Variants in NSMAF observed in about 807,000 individuals in gnomAD.
NSMAF encodes neutral sphingomyelinase activation associated factor.
NSMAF carries 90 observed loss-of-function variants against 134.9 expected under a neutral mutation model. The observed-to-expected ratio is 0.67, with a 90% CI of 0.56 to 0.79. The LOEUF is 0.79. Among genes scored for constraint, NSMAF ranks in the 30% least tolerant of loss-of-function variants. NSMAF has a pLI of 0.00. For synonymous variants in NSMAF, 358 were observed against 389.6 expected (o/e 0.92, Z 0.96); for missense variants, 1,010 against 1,119.0 (o/e 0.90, Z 1.39).
intron 5 of NSMAF, among the ~76,000 whole-genome samples, chr8:58,632,252 T>G (rs1025067908): frequency 6.6e-6 from 1 of 152,258 alleles, no homozygotes; most frequent in African/African-American, 2.4e-5. Context: ...ATACTTCCCC[T>G]TAATCTCACA....
chr8:58,626,463 A>C (rs1365461167), intron 6 of NSMAF, among the ~76,000 whole-genome samples: 1 of 152,126 alleles, frequency 6.6e-6, no homozygotes, highest in African/African-American at 2.4e-5. Flanking sequence ...AACATACAAT[A>C]ATCTGGTTTT....
intron 2 of NSMAF, among the ~76,000 whole-genome samples, chr8:58,642,534 C>T (rs1019678174): frequency 1.3e-5 from 2 of 152,126 alleles, no homozygotes; most frequent in Non-Finnish European, 2.9e-5. Flanking sequence ...GGTTTATAAT[C>T]ATTACTTTAT....
chr8:58,624,677 T>C (rs985078446), intron 6 of NSMAF, among the ~76,000 whole-genome samples: 1 of 152,204 alleles, frequency 6.6e-6, no homozygotes, highest in Admixed American at 6.5e-5. Context: ...ATGTGATCTG[T>C]CCTGGAGAAT....
At chr8:58,633,419 C>G (rs1323297042) in intron 5 of NSMAF, among the ~76,000 whole-genome samples, 3 of 152,232 alleles carry the variant, frequency 2.0e-5, no homozygotes, top group Non-Finnish European at 4.4e-5. Context: ...CTCAGTGAGG[C>G]ATCCCTGACT....
At chr8:58,657,557 CCT>C (rs1807747068) in intron 1 of NSMAF, among the ~76,000 whole-genome samples, 1 of 152,166 alleles carries the variant, frequency 6.6e-6, no homozygotes, top group African/African-American at 2.4e-5. Flanking sequence ...TTAAAATATT[CCT>C]CTGTTTCAGA....
At chr8:58,652,367 C>A (rs1447585910) in intron 1 of NSMAF, among the ~76,000 whole-genome samples, 3 of 152,216 alleles carry the variant, frequency 2.0e-5, no homozygotes, top group Non-Finnish European at 2.9e-5. Flanking sequence ...ACCTCATCAA[C>A]CACAAGGCTT....
chr8:58,591,190 C>T (rs1806013923), intron 23 of NSMAF, among the ~76,000 whole-genome samples: 1 of 152,138 alleles, frequency 6.6e-6, no homozygotes, highest in African/African-American at 2.4e-5. Flanking sequence ...ATACTGTTGA[C>T]ATTTCAGCAT....
intron 5 of NSMAF, among the ~76,000 whole-genome samples, chr8:58,634,453 T>C (rs1807124725): frequency 6.6e-6 from 1 of 152,162 alleles, no homozygotes; most frequent in Non-Finnish European, 1.5e-5. Flanking sequence ...AGCAAGTCCG[T>C]GCATCTTTGT....
chr8:58,645,902 G>C (rs566190323), intron 1 of NSMAF, among the ~76,000 whole-genome samples: 1 of 152,106 alleles, frequency 6.6e-6, no homozygotes, highest in Non-Finnish European at 1.5e-5. Context: ...TTAGCCAGGC[G>C]TGGTGGCGGG....
At chr8:58,656,121 C>G (rs147493861) in intron 1 of NSMAF, among the ~76,000 whole-genome samples, 6,006 of 151,748 alleles carry the variant, frequency 0.04, 392 homozygotes, top group African/African-American at 0.14. Flanking sequence ...CAGGTTCAAG[C>G]AATTCTCCTG....
At chr8:58,611,035 T>C (rs1806518307) in intron 9 of NSMAF, among the ~76,000 whole-genome samples, 1 of 152,186 alleles carries the variant, frequency 6.6e-6, no homozygotes, top group Non-Finnish European at 1.5e-5. Flanking sequence ...GCTTGACCAC[T>C]TCTGGAGGTA....
intron 21 of NSMAF, among the ~76,000 whole-genome samples, chr8:58,596,983 G>A (rs1173406735): frequency 6.6e-6 from 1 of 151,886 alleles, no homozygotes; most frequent in African/African-American, 2.4e-5. Flanking sequence ...CATAATTAGG[G>A]CCAGAGAAAG....
intron 30 of NSMAF, among the ~76,000 whole-genome samples, chr8:58,585,398 T>C (rs1231356906): frequency 1.3e-5 from 2 of 151,726 alleles, no homozygotes; most frequent in Admixed American, 6.6e-5. Context: ...AGCTTTACGA[T>C]GGTTTTTAAT....
At chr8:58,605,415 T>C (rs1045156717) in intron 12 of NSMAF, among the ~76,000 whole-genome samples, 2 of 152,170 alleles carry the variant, frequency 1.3e-5, no homozygotes, top group Non-Finnish European at 2.9e-5. Flanking sequence ...TGACTGAACA[T>C]AAAAATATTT....
rs1335520076 is a variant in NSMAF, at chr8:58,615,482, ACATATTCTCTG to A, written c.558-5760_558-5750del. On this transcript the variant is annotated intron_variant, in intron 9 of 30. Transcript: ENST00000038176. The stretch of plus-strand genomic sequence containing the variant: ...TATCAAAAGACTGAAATCACATAGA[ACATATTCTCTG>A]ATCAGATATTAAATTATAAATCAGT... Among the ~76,000 whole-genome samples, 5 of 152,340 alleles carry A rather than the reference ACATATTCTCTG, an allele frequency of 3.3e-5. No individual in the cohort carries two copies. In the East Asian group the frequency reaches 9.6e-4, roughly 29 times the overall value.
chr8:58,586,367 G>T, intron 28 of NSMAF, 91 bp downstream of exon 28: 1 of 1,288,456 alleles, frequency 7.8e-7, no homozygotes, highest in Non-Finnish European at 1.1e-6. Flanking sequence ...TTCTTTGTAA[G>T]TTTTATTGTT....
chr8:58,651,998 C>G (rs1332297787), intron 1 of NSMAF, among the ~76,000 whole-genome samples: 4 of 152,166 alleles, frequency 2.6e-5, no homozygotes, highest in African/African-American at 9.7e-5. Context: ...AAAATAAGCA[C>G]TGGCCAGTAG....
chr8:58,631,562 C>T lies in NSMAF; in HGVS notation c.334-16G>A. On this transcript the variant is annotated splice_polypyrimidine_tract_variant and intron_variant, in intron 5 of 30. Transcript: ENST00000038176. The stretch of plus-strand genomic sequence containing the variant: ...TGAAATATACCTGAGCAAGAAAAAG[C>T]AATACTTGTAAAATAATAACCAAAA... 1.4e-6 allele frequency: 2 copies of T among 1,399,204 alleles called. No homozygotes were observed. The highest frequency in any genetic ancestry group is 9.8e-7 in the Non-Finnish European group (1 of 1,021,636). 86.7% of individuals were successfully genotyped at this position (1,399,204 alleles called of 1,614,324 possible).
At position 58,584,062 on chromosome 8, in the gene NSMAF, C is replaced by T; in HGVS notation, c.*44G>A. ...CGTTTAAAAGTTTGGTTTAAAAATG[C>T]ATTAAATAGAGTTCAATTTAATATT... is the stretch of plus-strand genomic sequence containing the variant. On this transcript the variant is annotated 3_prime_UTR_variant, in exon 31 of 31. Coordinates refer to ENST00000038176, the MANE Select transcript of NSMAF (RefSeq NM_003580.4). The T allele has an allele frequency of 2.1e-6, 3 of 1,409,368 alleles. No individual in the cohort carries two copies. The highest frequency in any genetic ancestry group is 2.0e-6 in the Non-Finnish European group (2 of 993,788). 87.3% of individuals were successfully genotyped at this position (1,409,368 alleles called of 1,614,324 possible). A position where few individuals can be genotyped will look rare whatever the true frequency, so the allele number is the denominator to read the frequency against.
Sources: allele counts gnomAD v4.1 joint callset (sites outside exome capture counted in the v4.1 genomes callset), GRCh38; gene constraint gnomAD v4.1.1; transcripts MANE v1.5; gene names NCBI Gene and HGNC (gene_info 2026-07-23, HGNC 2026-07-21).